The following GC variants were observed in gnomAD, a reference collection of about 807,000 sequenced individuals.
GC encodes vitamin D-binding protein.
In GC, 43 loss-of-function variants were observed where a neutral mutation model predicts 56.7. The ratio of observed to expected loss-of-function variants is 0.76; its 90% CI spans 0.59 to 0.98. GC has a LOEUF of 0.98. Among genes scored for constraint, GC ranks in the 50% least tolerant of loss-of-function variants. GC has a pLI of 0.00. For synonymous variants in GC, 216 were observed against 202.7 expected, an observed-to-expected ratio of 1.07 and a Z score of -0.56; for missense variants, 529 against 545.9, an observed-to-expected ratio of 0.97 and a Z score of 0.31.
chr4:71,742,305 A>G (rs537933354), intron 12 of GC, among the ~76,000 whole-genome samples: 1 of 152,346 alleles, frequency 6.6e-6, no homozygotes, highest in Admixed American at 6.5e-5. Flanking sequence ...TTATCAAGTC[A>G]TCTTCTACTT....
rs1422433155 is a variant in GC, at chr4:71,746,788, A to AAC, written c.1396-584_1396-583insGT. Among the ~76,000 whole-genome samples the AAC allele has an allele frequency of 2.3e-4, 35 of 151,532 alleles. 1 individual carries two copies. In the South Asian group the frequency reaches 6.9e-3, roughly 30 times the overall value. ...TCTATTTTGTAAAAAAAAAAAAAAA[A>AAC]AAAAAAACTACTTTAATTTGGAGGC... On this transcript the variant is annotated intron_variant, in intron 11 of 12. Transcript: ENST00000273951.
At chr4:71,774,708 T>C (rs1419211442) in intron 1 of GC, among the ~76,000 whole-genome samples, 1 of 152,030 alleles carries the variant, frequency 6.6e-6, no homozygotes, top group East Asian at 1.9e-4. Context: ...TATTACTTGC[T>C]TTAATCTTCA....
chr4:71,797,140 G>A (rs1743125961), intron 1 of GC, among the ~76,000 whole-genome samples: 1 of 152,214 alleles, frequency 6.6e-6, no homozygotes, highest in African/African-American at 2.4e-5. Flanking sequence ...GCTACACGGG[G>A]TCAGGGACCC....
At chr4:71,746,812 G>A (rs1317494483) in intron 11 of GC, among the ~76,000 whole-genome samples, 1 of 148,160 alleles carries the variant, frequency 6.7e-6, no homozygotes, top group East Asian at 2.0e-4. Context: ...TAATTTGGAG[G>A]CAATGAGAGC....
At chr4:71,777,637 T>C (rs902672045) in intron 1 of GC, among the ~76,000 whole-genome samples, 13 of 150,082 alleles carry the variant, frequency 8.7e-5, no homozygotes, top group African/African-American at 2.9e-4. Flanking sequence ...AGTATTTTCA[T>C]TTTAAAACCA....
At chr4:71,778,891 G>GTTATTGTTATTATTA (rs71213587) in intron 1 of GC, among the ~76,000 whole-genome samples, 5,107 of 143,264 alleles carry the variant, frequency 0.036, 165 homozygotes, top group Non-Finnish European at 0.045. Flanking sequence ...ATTGCTGTCA[G>GTTATTGTTATTATTA]TTATTATTAT....
intron 9 of GC, among the ~76,000 whole-genome samples, chr4:71,754,744 G>A (rs1741666370): frequency 6.6e-6 from 1 of 152,196 alleles, no homozygotes; most frequent in Admixed American, 6.6e-5. Flanking sequence ...TTGTGTCCCA[G>A]TGGAAGTTAA....
intron 11 of GC, among the ~76,000 whole-genome samples, chr4:71,749,194 A>G (rs899809547): frequency 6.6e-6 from 1 of 152,206 alleles, no homozygotes; most frequent in Non-Finnish European, 1.5e-5. Context: ...CAACAACTCC[A>G]TTCATCGCAC....
In GC at chr4:71,763,817, C is replaced by T; in HGVS notation, c.593G>A (p.Cys198Tyr). The T allele has an allele frequency of 6.2e-7, 1 of 1,612,454 alleles. No homozygotes were observed. The highest frequency in any genetic ancestry group is 2.2e-5 in the East Asian group (1 of 44,856). Residue 198 changes from cysteine (C) to tyrosine (Y), a missense_variant, in exon 5 of 13, where the codon TGC (cysteine) becomes TAC (tyrosine). Physicochemically the swap from Cys to Tyr is radical, Grantham distance 194. Coordinates refer to ENST00000273951, the MANE Select transcript of GC (RefSeq NM_000583.4). Reference sequence around the variant, plus strand: ...AATGGGACATACCTCTTTCAAAAAGCATACAGTTGGGCTTGCAGAGGTACA... The same window carrying T: ...AATGGGACATACCTCTTTCAAAAAGTATACAGTTGGGCTTGCAGAGGTACA... ...SCCTSASPTV[C>Y]FLKERLQLKH...
chr4:71,777,269 T>C (rs1279782991), intron 1 of GC, among the ~76,000 whole-genome samples: 1 of 151,848 alleles, frequency 6.6e-6, no homozygotes, highest in Non-Finnish European at 1.5e-5. Flanking sequence ...GTAATTTAAA[T>C]GGGAAATTTC....
At chr4:71,789,857 G>A (rs778994318) in intron 1 of GC, among the ~76,000 whole-genome samples, 6 of 151,886 alleles carry the variant, frequency 4.0e-5, no homozygotes, top group Non-Finnish European at 7.4e-5. Context: ...AGAAAGCAGA[G>A]GTTGGAGGGA....
chr4:71,799,947 C>A (rs1184785605), intron 1 of GC, among the ~76,000 whole-genome samples: 1 of 152,110 alleles, frequency 6.6e-6, no homozygotes, highest in African/African-American at 2.4e-5. Context: ...GCTATCACTA[C>A]CAAGGAGGCC....
upstream of GC, among the ~76,000 whole-genome samples, chr4:71,787,094 C>G (rs1034849903): frequency 6.6e-6 from 1 of 151,882 alleles, no homozygotes; most frequent in Non-Finnish European, 1.5e-5. Flanking sequence ...TTTACTTAAG[C>G]TTATTCTAGC....
At chr4:71,744,729 T>G (rs1741304233) in intron 12 of GC, among the ~76,000 whole-genome samples, 1 of 152,134 alleles carries the variant, frequency 6.6e-6, no homozygotes, top group African/African-American at 2.4e-5. Flanking sequence ...TAAGAAATCT[T>G]GAAGGATGAG....
upstream of GC, among the ~76,000 whole-genome samples, chr4:71,788,638 T>C (rs557338776): frequency 1.4e-5 from 2 of 148,094 alleles, no homozygotes; most frequent in African/African-American, 5.0e-5. Context: ...ATCTTCTGCT[T>C]GAAAAAAAGC....
At position 71,766,648 on chromosome 4, in the gene GC, C is replaced by T. The variant is rs144101634; in HGVS notation, c.262-1005G>A. On this transcript the variant is annotated intron_variant, in intron 3 of 12. Coordinates refer to ENST00000273951, the MANE Select transcript of GC (RefSeq NM_000583.4). ...CTTTTCTACCAGTGAAGAATGGCAACGTGATGAATTACTTATGTAAACTAA... is the reference window on the plus strand; with the variant it reads ...CTTTTCTACCAGTGAAGAATGGCAATGTGATGAATTACTTATGTAAACTAA... Among the ~76,000 whole-genome samples, 238 of 152,176 alleles carry T rather than the reference C, an allele frequency of 1.6e-3. 2 individuals are homozygous for T. The highest frequency in any genetic ancestry group is 5.4e-3 in the African/African-American group (225 of 41,520).
At chr4:71,751,283 C>G (rs946911488) in intron 11 of GC, among the ~76,000 whole-genome samples, 2 of 152,052 alleles carry the variant, frequency 1.3e-5, no homozygotes, top group Non-Finnish European at 2.9e-5. Context: ...TCTCAGAAGT[C>G]GAAGCATAGC....
intron 1 of GC, among the ~76,000 whole-genome samples, chr4:71,792,591 T>A (rs1352499911): frequency 6.6e-6 from 1 of 152,262 alleles, no homozygotes; most frequent in East Asian, 1.9e-4. Context: ...ATTGCAAAAA[T>A]TTTCTCCCAT....
chr4:71,804,040 G>A (rs1743307974), exon 1 of GC: 1 of 810,936 alleles, frequency 1.2e-6, no homozygotes, highest in African/African-American at 1.7e-5. Flanking sequence ...TGAAAAAACA[G>A]TGAAAAGAGC....
Sources: gnomAD v4.1 joint callset for allele counts (sites outside exome capture counted in the v4.1 genomes callset) on GRCh38, gnomAD v4.1.1 for gene constraint, MANE v1.5 for transcripts, NCBI Gene and HGNC (gene_info 2026-07-23, HGNC 2026-07-21) for gene names.